Variants in NIBAN2 observed in about 807,000 individuals in gnomAD.
The protein encoded by NIBAN2 is protein Niban 2.
Under a neutral mutation model 81.8 loss-of-function variants are expected in NIBAN2, and 36 were observed. That is an observed-to-expected ratio of 0.44 (90% confidence interval 0.34 to 0.58). The LOEUF is 0.58. NIBAN2 is among the 20% of genes least tolerant of loss of function. The pLI is 0.02. For missense variants in NIBAN2, 897 were observed against 1,014.1 expected (o/e 0.88, Z 1.57); for synonymous variants, 445 against 441.6 (o/e 1.01, Z -0.10).
chr9:127,552,379 T>C (rs1234590439), intron 1 of NIBAN2, among the ~76,000 whole-genome samples: 2 of 151,864 alleles, frequency 1.3e-5, no homozygotes, highest in African/African-American at 4.8e-5. Context: ...TTCAGACCAG[T>C]CTGGATGACA....
chr9:127,555,499 C>T (rs764286729), intron 1 of NIBAN2, among the ~76,000 whole-genome samples: 4 of 152,222 alleles, frequency 2.6e-5, no homozygotes, highest in East Asian at 3.8e-4. Context: ...GGGCCAGCGG[C>T]GGACCCTGGG....
rs533818253 is a variant in NIBAN2, at chr9:127,539,885, T to A, written c.56-8107A>T. On this transcript the variant is annotated intron_variant, in intron 1 of 13. Coordinates refer to ENST00000373312, the MANE Select transcript of NIBAN2 (RefSeq NM_022833.4). ...CCAGCTCTGCCACCTATGAGCTGTG[T>A]GGCCTTGGCTAAGGCACTTCTCCTC... 6.6e-5 allele frequency among the ~76,000 whole-genome samples: 10 copies of A among 152,346 alleles called. No homozygotes were observed. In the East Asian group the frequency reaches 1.9e-3, roughly 29 times the overall value.
At chr9:127,556,955 G>T (rs1837683184) in intron 1 of NIBAN2, among the ~76,000 whole-genome samples, 1 of 152,142 alleles carries the variant, frequency 6.6e-6, no homozygotes, top group Non-Finnish European at 1.5e-5. Flanking sequence ...TGCACACCTG[G>T]GGTCCCAGCT....
In NIBAN2 at chr9:127,562,042, C is replaced by T. The variant is rs532245316; in HGVS notation, c.55+6778G>A. ...GGTGCAGTGAGTCATGAGCTCTGCC[C>T]GCGGGGAAGGAGGAGGGGGGCGCAG... On this transcript the variant is annotated intron_variant, in intron 1 of 13. Transcript: ENST00000373312. Among the ~76,000 whole-genome samples, 41 of 152,176 alleles carry T rather than the reference C, an allele frequency of 2.7e-4. No homozygotes were observed. The South Asian group carries it at 5.8e-3, about 22-fold the overall frequency.
intron 1 of NIBAN2, among the ~76,000 whole-genome samples, chr9:127,543,352 C>CA (rs1266022518): frequency 1.3e-5 from 2 of 152,212 alleles, no homozygotes; most frequent in East Asian, 3.9e-4. Context: ...CCGATCAAGA[C>CA]AGAGGCTGGA....
chr9:127,521,841 T>C (rs752258591), intron 5 of NIBAN2, among the ~76,000 whole-genome samples: 24 of 152,278 alleles, frequency 1.6e-4, no homozygotes, highest in Non-Finnish European at 2.9e-4. Flanking sequence ...CACTGAGTGC[T>C]CACTGTGCGT....
In NIBAN2 at chr9:127,559,533, T is replaced by C. The variant is rs576005458; in HGVS notation, c.55+9287A>G. Reference sequence around the variant, plus strand: ...CAGAGGTGACTGGAGCACGAGTGGGTGGGCAGCTTCTTCCCAAGGGACTCC... The same window carrying C: ...CAGAGGTGACTGGAGCACGAGTGGGCGGGCAGCTTCTTCCCAAGGGACTCC... On this transcript the variant is annotated intron_variant, in intron 1 of 13. Coordinates refer to ENST00000373312, the MANE Select transcript of NIBAN2 (RefSeq NM_022833.4). The surrounding 1 kb of genome is among the most constrained non-coding windows in gnomAD (Gnocchi z 4.0). Among the ~76,000 whole-genome samples the C allele has an allele frequency of 1.3e-5, 2 of 152,298 alleles. No individual in the cohort carries two copies. Among genetic ancestry groups the C allele is most frequent in the Admixed American group, 1.3e-4 (2 of 15,294 alleles).
Position 127,507,027 on chromosome 9 carries a change from C to T in NIBAN2, c.2059G>A (p.Ala687Thr), listed in dbSNP as rs548335804. 108 of 1,585,312 alleles carry T rather than the reference C, an allele frequency of 6.8e-5. 1 individual carries two copies. The highest frequency in any genetic ancestry group is 5.3e-4 in the South Asian group (47 of 88,766). Residue 687 changes from alanine to threonine, a missense_variant, in exon 14 of 14, where the codon GCC (alanine) becomes ACC (threonine). Transcript: ENST00000373312. The surrounding 1 kb of genome is among the most constrained non-coding windows in gnomAD (Gnocchi z 6.8). ...GCAGGCGGCGAGGAGGCCTCGGGGG[C>T]GGCCTTAGGCTGGGGACTCTCCCCA... ...PAGESPQPKA[A>T]PEASSPPASP... is the part of the protein sequence containing the mutation.
At chr9:127,556,611 A>C (rs889640904) in intron 1 of NIBAN2, among the ~76,000 whole-genome samples, 3 of 152,232 alleles carry the variant, frequency 2.0e-5, no homozygotes, top group African/African-American at 7.2e-5. Context: ...GTGGAGTAGA[A>C]GCATCATCAT....
chr9:127,527,246 C>A lies in NIBAN2; in HGVS notation c.263G>T (p.Arg88Leu), dbSNP rs549746967. Residue 88 changes from arginine (R) to leucine (L), a missense_variant, in exon 3 of 14, where the codon CGC becomes CTC. By Grantham distance (102) the Arg-to-Leu change is moderately radical. This residue lies in a region of NIBAN2 where 209 missense variants were observed against 208.4 expected (regional missense o/e 1.00). Coordinates refer to ENST00000373312, the MANE Select transcript of NIBAN2 (RefSeq NM_022833.4). ...GTAGTTGTGGGGCACGAGGCTGAAGCGGTTTCTCCACTTCTTGCTGTCCTC... is the reference window on the plus strand; with the variant it reads ...GTAGTTGTGGGGCACGAGGCTGAAGAGGTTTCTCCACTTCTTGCTGTCCTC... Reference protein sequence around the residue: ...HQEDSKKWRNRFSLVPHNYGL... With the variant: ...HQEDSKKWRNLFSLVPHNYGL... 1 of 1,613,896 alleles carries A rather than the reference C, an allele frequency of 6.2e-7. No individual in the cohort carries two copies. Among genetic ancestry groups the A allele is most frequent in the Non-Finnish European group, 8.5e-7 (1 of 1,179,966 alleles).
At chr9:127,538,944 CA>C (rs59404269) in intron 1 of NIBAN2, among the ~76,000 whole-genome samples, 67,792 of 114,120 alleles carry the variant, frequency 0.59, 18,247 homozygotes, top group Middle Eastern at 0.7. Flanking sequence ...GACTCCATCT[CA>C]AAAAAAAAAA....
At chr9:127,562,519 A>G (rs969738642) in intron 1 of NIBAN2, among the ~76,000 whole-genome samples, 1 of 152,180 alleles carries the variant, frequency 6.6e-6, no homozygotes, top group African/African-American at 2.4e-5. Flanking sequence ...TACACACCGC[A>G]GGCTAGACTC....
chr9:127,535,224 G>A lies in NIBAN2; in HGVS notation c.56-3446C>T, dbSNP rs1837253292. ...TGCCACCCTGGCCCTCACGGAGCAG[G>A]CCCTGGAGGGAGCTGCCATTGCTGT... On this transcript the variant is annotated intron_variant, in intron 1 of 13. Transcript: ENST00000373312. Among the ~76,000 whole-genome samples, 3 of 152,254 alleles carry A rather than the reference G, an allele frequency of 2.0e-5. No homozygotes were observed. The South Asian group carries it at 6.2e-4, about 31-fold the overall frequency.
At chr9:127,574,419 G>T (rs1327771037) in intron 1 of NIBAN2, among the ~76,000 whole-genome samples, 2 of 152,144 alleles carry the variant, frequency 1.3e-5, no homozygotes, top group Non-Finnish European at 2.9e-5. Context: ...CAAGGGCGAA[G>T]AATAATAATA....
rs140265099 is a variant in NIBAN2, at chr9:127,516,112, A to G, written c.973+745T>C. 2.2e-3 allele frequency among the ~76,000 whole-genome samples: 335 copies of G among 150,886 alleles called. 3 individuals are homozygous for G. The East Asian group carries it at 0.043, about 19-fold the overall frequency. On this transcript the variant is annotated intron_variant, in intron 8 of 13. Coordinates refer to ENST00000373312, the MANE Select transcript of NIBAN2 (RefSeq NM_022833.4). ...CACTGCAGCCTGGGCGACAGAGTGA[A>G]ACCCTGTCTCAAATAAAATAAAATG...
intron 1 of NIBAN2, among the ~76,000 whole-genome samples, chr9:127,533,390 G>A (rs568972846): frequency 6.6e-6 from 1 of 152,334 alleles, no homozygotes; most frequent in East Asian, 1.9e-4. Context: ...CCGGGAGGCG[G>A]AGCTTGCAGT....
At chr9:127,539,071 C>A (rs1837331664) in intron 1 of NIBAN2, among the ~76,000 whole-genome samples, 1 of 151,816 alleles carries the variant, frequency 6.6e-6, no homozygotes, top group South Asian at 2.1e-4. Flanking sequence ...AATTAAGGAT[C>A]GAGCTGACTG....
Position 127,507,086 on chromosome 9 carries a change from G to C in NIBAN2, c.2000C>G (p.Pro667Arg), listed in dbSNP as rs746906163. ...CCCGTTGAGCAGGGGGCCGGCTGGTGGGGGGCTCTCAGGCCGCAGACCTTG... is the reference window on the plus strand; with the variant it reads ...CCCGTTGAGCAGGGGGCCGGCTGGTCGGGGGCTCTCAGGCCGCAGACCTTG... ...LAQGLRPESP[P>R]PAGPLLNGAP... The change falls in exon 14 of 14, where the codon CCA becomes CGA. Residue 667 changes from proline to arginine, a missense_variant. Transcript: ENST00000373312. The surrounding 1 kb of genome is among the most constrained non-coding windows in gnomAD (Gnocchi z 6.8). 2.5e-6 allele frequency: 4 copies of C among 1,577,404 alleles called. No individual in the cohort carries two copies. The highest frequency in any genetic ancestry group is 1.9e-5 in the Admixed American group (1 of 53,828).
intron 1 of NIBAN2, among the ~76,000 whole-genome samples, chr9:127,547,894 A>G (rs2076904): frequency 0.37 from 55,832 of 152,108 alleles, 11,904 homozygotes; most frequent in African/African-American, 0.58. Flanking sequence ...CCATCTTGCA[A>G]GGTGTCATAA....
Sources: gnomAD v4.1 joint callset for allele counts (sites outside exome capture counted in the v4.1 genomes callset) on GRCh38, gnomAD v4.1.1 for gene constraint, gnomAD v4.1.1 regional missense constraint, Gnocchi (gnomAD v3.1) non-coding constraint, MANE v1.5 for transcripts, NCBI Gene and HGNC (gene_info 2026-07-23, HGNC 2026-07-21) for gene names.